Variants in CKAP4 observed in about 807,000 individuals in gnomAD.
CKAP4 encodes cytoskeleton associated protein 4.
A neutral mutation model predicts 24.4 loss-of-function variants in CKAP4; 20 were observed. The observed-to-expected ratio is 0.82, with a 90% CI of 0.58 to 1.19. The LOEUF is 1.19. Ranked by LOEUF, CKAP4 falls within the 50% of genes most tolerant of loss-of-function variation. The pLI is 0.00. For missense variants in CKAP4, 744 were observed against 765.3 expected, an observed-to-expected ratio of 0.97 and a Z score of 0.33; for synonymous variants, 378 against 351.7, an observed-to-expected ratio of 1.07 and a Z score of -0.84.
At chr12:106,246,338 A>G (rs142069089) in intron 1 of CKAP4, among the ~76,000 whole-genome samples, 7 of 152,318 alleles carry the variant, frequency 4.6e-5, no homozygotes, top group African/African-American at 1.7e-4. Flanking sequence ...CAGGGTAGTT[A>G]TAAGAATTAG....
intron 1 of CKAP4, 148 bp from the exon 2 acceptor site, chr12:106,240,497 G>C: frequency 1.1e-6 from 1 of 895,968 alleles, no homozygotes; most frequent in Non-Finnish European, 1.7e-6. Context: ...TCCACATATA[G>C]TCCATATGGT....
intron 1 of CKAP4, among the ~76,000 whole-genome samples, chr12:106,241,587 C>G (rs922118914): frequency 1.3e-5 from 2 of 152,168 alleles, no homozygotes; most frequent in African/African-American, 4.8e-5. Context: ...CCCGCCTCGG[C>G]CTCCCAAAGT....
chr12:106,241,402 G>A (rs1437274736), intron 1 of CKAP4, among the ~76,000 whole-genome samples: 2 of 145,678 alleles, frequency 1.4e-5, no homozygotes, highest in African/African-American at 2.6e-5. Context: ...GCGGGATCTC[G>A]GCTCACTGCA....
Position 106,239,269 on chromosome 12 carries a change from C to A in CKAP4, c.1564G>T (p.Ala522Ser). Residue 522 changes from alanine (A) to serine (S), a missense_variant, in exon 2 of 2, where the codon GCC (alanine) becomes TCC (serine). Physicochemically the swap from Ala to Ser is moderately conservative, Grantham distance 99 (BLOSUM62 1). Coordinates refer to ENST00000378026, the MANE Select transcript of CKAP4 (RefSeq NM_006825.4). The surrounding 1 kb of genome is among the most constrained non-coding windows in gnomAD (Gnocchi z 4.9). ...AGGAAGTCCTGAGGAGGCAGACGGG[C>A]GGCCTGGGCTTGGTCCTGACTGAGC... is the stretch of plus-strand genomic sequence containing the variant. ...TLLSQDQAQAARLPPQDFLDR... is the reference protein window; with the variant it reads ...TLLSQDQAQASRLPPQDFLDR... The A allele has an allele frequency of 1.2e-6, 2 of 1,613,336 alleles. No homozygotes were observed. The highest frequency in any genetic ancestry group is 1.7e-6 in the Non-Finnish European group (2 of 1,180,042).
At chr12:106,245,393 T>C (rs115211792) in intron 1 of CKAP4, among the ~76,000 whole-genome samples, 3,846 of 152,268 alleles carry the variant, frequency 0.025, 171 homozygotes, top group African/African-American at 0.089. Flanking sequence ...AATATTATGA[T>C]TGACTAGTAA....
chr12:106,244,484 TAAAAG>T (rs2033991402), intron 1 of CKAP4, among the ~76,000 whole-genome samples: 1 of 152,168 alleles, frequency 6.6e-6, no homozygotes, highest in Non-Finnish European at 1.5e-5. Flanking sequence ...ACTACTAAAT[TAAAAG>T]AAAAGTGGTC....
At chr12:106,246,558 T>C (rs1327728160) in intron 1 of CKAP4, among the ~76,000 whole-genome samples, 1 of 152,110 alleles carries the variant, frequency 6.6e-6, no homozygotes, top group Non-Finnish European at 1.5e-5. Flanking sequence ...GCCTGGCCAA[T>C]ACGGTGAAAC....
chr12:106,245,405 TAGG>T (rs1308203273), intron 1 of CKAP4, among the ~76,000 whole-genome samples: 1 of 152,134 alleles, frequency 6.6e-6, no homozygotes, highest in Admixed American at 6.5e-5. Context: ...GACTAGTAAG[TAGG>T]AGGATGAAAG....
At chr12:106,240,448 C>T in intron 1 of CKAP4, 99 bp from the exon 2 acceptor site, 1 of 1,344,548 alleles carries the variant, frequency 7.4e-7, no homozygotes, top group Non-Finnish European at 1.0e-6. Flanking sequence ...CTGTTTTTTT[C>T]CAGAATGTCA....
In CKAP4 at chr12:106,239,895, G is replaced by A; in HGVS notation, c.938C>T (p.Thr313Ile). ...REWDMEALRS[T>I]LQTMESDIYT... ...GATGTCAGACTCCATAGTCTGAAGG[G>A]TACTTCTCAGGGCCTCCATGTCCCA... Residue 313 changes from threonine to isoleucine, a missense_variant, in exon 2 of 2, where the codon ACC (threonine) becomes ATC (isoleucine). Physicochemically the swap from Thr to Ile is moderately conservative, Grantham distance 89. Transcript: ENST00000378026. This position sits in a 1 kb window ranked among gnomAD's most constrained non-coding sequence, Gnocchi z 4.9. 1 of 1,612,362 alleles carries A rather than the reference G, an allele frequency of 6.2e-7. No individual in the cohort carries two copies. Among genetic ancestry groups the A allele is most frequent in the Non-Finnish European group, 8.5e-7 (1 of 1,179,418 alleles).
At chr12:106,240,778 C>T (rs1017942236) in intron 1 of CKAP4, among the ~76,000 whole-genome samples, 5 of 152,020 alleles carry the variant, frequency 3.3e-5, no homozygotes, top group Admixed American at 2.0e-4. Context: ...TCAGCCAAAC[C>T]CACAATGTGG....
In CKAP4 at chr12:106,239,948, C is replaced by T; in HGVS notation, c.885G>A (p.Glu295=). 1.2e-6 allele frequency: 2 copies of T among 1,614,168 alleles called. No homozygotes were observed. The highest frequency in any genetic ancestry group is 2.7e-5 in the African/African-American group (2 of 75,034). The change falls in exon 2 of 2, where the codon GAG becomes GAA. Residue 295 remains glutamate, a synonymous_variant. Coordinates refer to ENST00000378026, the MANE Select transcript of CKAP4 (RefSeq NM_006825.4). This position sits in a 1 kb window ranked among gnomAD's most constrained non-coding sequence, Gnocchi z 4.9. ...DLKALKEAVK[E]IQTSAKSREW... ...CTCTGGACTTGGCTGAGGTCTGTAT[C>T]TCCTTCACAGCTTCCTTTAAGGCTT...
At chr12:106,242,653 C>T (rs1026954249) in intron 1 of CKAP4, among the ~76,000 whole-genome samples, 1 of 152,226 alleles carries the variant, frequency 6.6e-6, no homozygotes, top group Non-Finnish European at 1.5e-5. Context: ...GAGAGCCCAT[C>T]TCTGAAACTA....
In CKAP4 at chr12:106,240,410, C is replaced by CT. The variant is rs1057175239; in HGVS notation, c.484-62dup. On this transcript the variant is annotated intron_variant, in intron 1 of 1. Transcript: ENST00000378026. ...AGCTGATGAGTTTCACATGATACAA[C>CT]TTTTTTTGTCTGCCCAGCCTCCAGG... 1.2e-5 allele frequency: 19 copies of CT among 1,532,036 alleles called. No individual in the cohort carries two copies. The African/African-American group carries it at 1.9e-4, about 16-fold the overall frequency. The allele number at this position is 1,532,036 out of a possible 1,614,324, so 94.9% of individuals were successfully genotyped here.
intron 1 of CKAP4, among the ~76,000 whole-genome samples, chr12:106,245,409 A>AGGAT (rs972760259): frequency 2.0e-5 from 3 of 152,148 alleles, no homozygotes; most frequent in African/African-American, 7.2e-5. Flanking sequence ...AGTAAGTAGG[A>AGGAT]GGATGAAAGA....
chr12:106,239,367 A>G lies in CKAP4; in HGVS notation c.1466T>C (p.Leu489Pro). 6.2e-7 allele frequency: 1 copy of G among 1,603,610 alleles called. No homozygotes were observed. Among genetic ancestry groups the G allele is most frequent in the African/African-American group, 1.3e-5 (1 of 74,990 alleles). ...QLVLYGDVEE[L>P]KRSVGELPST... ...GGGGAGCTCGCCCACACTCCTCTTC[A>G]GCTCCTCCACGTCACCGTAGAGCAC... Residue 489 changes from leucine (L) to proline (P), a missense_variant, in exon 2 of 2, where the codon CTG (leucine) becomes CCG (proline). By Grantham distance (98) the Leu-to-Pro change is moderately conservative. Coordinates refer to ENST00000378026, the MANE Select transcript of CKAP4 (RefSeq NM_006825.4). This position sits in a 1 kb window ranked among gnomAD's most constrained non-coding sequence, Gnocchi z 4.9.
In CKAP4 at chr12:106,247,935, C is replaced by T; in HGVS notation, c.-84G>A. On this transcript the variant is annotated 5_prime_UTR_variant, in exon 1 of 2. Coordinates refer to ENST00000378026, the MANE Select transcript of CKAP4 (RefSeq NM_006825.4). The surrounding 1 kb of genome is among the most constrained non-coding windows in gnomAD (Gnocchi z 4.5). ...CCCGGGAAACTTGCAGGGGCTCCCC[C>T]GGGACTGGGCGAGCGGCACGCGGGC... 2.4e-6 allele frequency: 2 copies of T among 847,536 alleles called. No homozygotes were observed. Among genetic ancestry groups the T allele is most frequent in the East Asian group, 1.1e-4 (1 of 8,892 alleles). 52.5% of individuals were successfully genotyped at this position (847,536 alleles called of 1,614,324 possible).
rs374979802 is a variant in CKAP4, at chr12:106,239,265, C to T, written c.1568G>A (p.Arg523His). The T allele has an allele frequency of 1.3e-5, 21 of 1,613,450 alleles. No homozygotes were observed. Among genetic ancestry groups the T allele is most frequent in the African/African-American group, 6.7e-5 (5 of 74,940 alleles). The change falls in exon 2 of 2, where the codon CGT becomes CAT. Residue 523 changes from arginine to histidine, a missense_variant. This residue lies in a region of CKAP4 where 401 missense variants were observed against 424.5 expected (regional missense o/e 0.94). Transcript: ENST00000378026. This position sits in a 1 kb window ranked among gnomAD's most constrained non-coding sequence, Gnocchi z 4.9. ...LLSQDQAQAA[R>H]LPPQDFLDRL... ...GTCCAGGAAGTCCTGAGGAGGCAGA[C>T]GGGCGGCCTGGGCTTGGTCCTGACT... is the stretch of plus-strand genomic sequence containing the variant.
Position 106,239,972 on chromosome 12 carries a change from T to C in CKAP4, c.861A>G (p.Lys287=). 1 of 1,614,150 alleles carries C rather than the reference T, an allele frequency of 6.2e-7. No individual in the cohort carries two copies. Among genetic ancestry groups the C allele is most frequent in the Non-Finnish European group, 8.5e-7 (1 of 1,180,036 alleles). ...TCTCCTTCACAGCTTCCTTTAAGGC[T>C]TTCAAATCCTGCTTGTTCCCCTCAG... ...EESEGNKQDL[K]ALKEAVKEIQ... is the part of the protein sequence containing the mutation. The change falls in exon 2 of 2, where the codon AAA becomes AAG. Residue 287 remains lysine (K), a synonymous_variant. Coordinates refer to ENST00000378026, the MANE Select transcript of CKAP4 (RefSeq NM_006825.4). The surrounding 1 kb of genome is among the most constrained non-coding windows in gnomAD (Gnocchi z 4.9).
Sources: allele counts gnomAD v4.1 joint callset (sites outside exome capture counted in the v4.1 genomes callset), GRCh38; gene constraint gnomAD v4.1.1; regional missense constraint gnomAD v4.1.1; non-coding constraint Gnocchi (gnomAD v3.1); transcripts MANE v1.5; gene names NCBI Gene and HGNC (gene_info 2026-07-23, HGNC 2026-07-21).